MET: variants seen among roughly 807,000 people sequenced by gnomAD.
MET encodes the protein hepatocyte growth factor receptor.
Under a neutral mutation model 133.1 loss-of-function variants are expected in MET, and 48 were observed. That is an observed-to-expected ratio of 0.36 (90% CI 0.29 to 0.46). The LOEUF is 0.46. Among genes scored for constraint, MET ranks in the 20% least tolerant of loss-of-function variants. The pLI is 1.00. For missense variants in MET, 1,442 were observed against 1,695.9 expected (o/e 0.85, Z 2.63); for synonymous variants, 628 against 616.5 (o/e 1.02, Z -0.28).
At position 116,771,509 on chromosome 7, in the gene MET, A is replaced by C; in HGVS notation, c.2742A>C (p.Ala914=). 1 of 1,613,760 alleles carries C rather than the reference A, an allele frequency of 6.2e-7. No homozygotes were observed. The highest frequency in any genetic ancestry group is 8.5e-7 in the Non-Finnish European group (1 of 1,179,686). Residue 914 remains alanine, a synonymous_variant, in exon 13 of 21, where the codon GCA becomes GCC. Transcript: ENST00000397752. Reference sequence around the variant, plus strand: ...TTTGTCATTTTTAGTGGAAGCAAGCAATTTCTTCAACCGTCCTTGGAAAAG... The same window carrying C: ...TTTGTCATTTTTAGTGGAAGCAAGCCATTTCTTCAACCGTCCTTGGAAAAG... ...NSELNIEWKQ[A]ISSTVLGKVI...
chr7:116,672,479 G>A lies in MET; in HGVS notation c.-113G>A, dbSNP rs1426452513. 2.0e-5 allele frequency: 8 copies of A among 398,222 alleles called. 1 individual carries two copies. Among genetic ancestry groups the A allele is most frequent in the Non-Finnish European group, 2.7e-5 (6 of 225,826 alleles). 24.7% of individuals were successfully genotyped at this position (398,222 alleles called of 1,614,324 possible). On this transcript the variant is annotated 5_prime_UTR_variant, in exon 1 of 21. Coordinates refer to ENST00000397752, the MANE Select transcript of MET (RefSeq NM_000245.4). ...CGAGTGGAGGGCGCGAGCCAGATGC[G>A]GGGCGACAGCTGACTTGCTGAGAGG...
chr7:116,699,051 C>A lies in MET; in HGVS notation c.-14-20C>A, dbSNP rs1562882697. Reference sequence around the variant, plus strand: ...ATTTCTGACAACTGAACTGCTCTCGCCTTGAACCTGTTTTGGCAGATAAAC... The same window carrying A: ...ATTTCTGACAACTGAACTGCTCTCGACTTGAACCTGTTTTGGCAGATAAAC... On this transcript the variant is annotated intron_variant, in intron 1 of 20. Coordinates refer to ENST00000397752, the MANE Select transcript of MET (RefSeq NM_000245.4). The A allele has an allele frequency of 6.2e-7, 1 of 1,613,486 alleles. No individual in the cohort carries two copies. The highest frequency in any genetic ancestry group is 8.5e-7 in the Non-Finnish European group (1 of 1,179,786).
At chr7:116,695,662 C>T (rs888466820) in intron 1 of MET, 5 of 371,070 alleles carry the variant, frequency 1.3e-5, no homozygotes, top group Admixed American at 6.0e-5. Context: ...GTTAGCCAGA[C>T]GTGGAATTGA....
chr7:116,747,405 A>G (rs1002881270), intron 5 of MET, among the ~76,000 whole-genome samples: 5 of 152,234 alleles, frequency 3.3e-5, no homozygotes, highest in Non-Finnish European at 7.3e-5. Flanking sequence ...AGACACACAT[A>G]GGCTCAAAAT....
At chr7:116,726,524 C>T (rs1185993226) in intron 2 of MET, among the ~76,000 whole-genome samples, 2 of 151,904 alleles carry the variant, frequency 1.3e-5, no homozygotes, top group African/African-American at 4.8e-5. Context: ...CAAATGAACT[C>T]GTAAAGAGAG....
chr7:116,777,517 A>G (rs1795033012), intron 16 of MET, 48 bp downstream of exon 16: 2 of 1,532,328 alleles, frequency 1.3e-6, no homozygotes, highest in South Asian at 1.1e-5. Context: ...GTGGTTTGCA[A>G]CCTAATAAAT....
intron 5 of MET, among the ~76,000 whole-genome samples, chr7:116,754,983 G>GGAAAGAAAGAAAGAAAGAAAGAAAA (rs1794105121): frequency 1.3e-5 from 1 of 78,632 alleles, no homozygotes; most frequent in South Asian, 5.5e-4. Flanking sequence ...AGCAGAGAAA[G>GGAAAGAAAGAAAGAAAGAAAGAAAA]GAAAGAAAGA....
intron 1 of MET, among the ~76,000 whole-genome samples, chr7:116,683,173 C>T (rs1449817462): frequency 6.6e-6 from 1 of 152,152 alleles, no homozygotes; most frequent in Admixed American, 6.5e-5. Context: ...AGGTATTAAG[C>T]CTAGTACCCA....
Position 116,796,148 on chromosome 7 carries a change from A to G in MET, c.*24A>G. The G allele has an allele frequency of 1.2e-6, 2 of 1,601,202 alleles. No individual in the cohort carries two copies. Among genetic ancestry groups the G allele is most frequent in the Non-Finnish European group, 1.7e-6 (2 of 1,169,008 alleles). On this transcript the variant is annotated 3_prime_UTR_variant, in exon 21 of 21. Transcript: ENST00000397752. Reference sequence around the variant, plus strand: ...AGTGCTAGTACTATGTCAAAGCAACAGTCCACACTTTGTCCAATGGTTTTT... The same window carrying G: ...AGTGCTAGTACTATGTCAAAGCAACGGTCCACACTTTGTCCAATGGTTTTT...
intron 19 of MET, among the ~76,000 whole-genome samples, chr7:116,795,221 T>G (rs1795630518): frequency 6.6e-6 from 1 of 152,236 alleles, no homozygotes. Context: ...GTTACATTTC[T>G]TAAAGAGTAT....
intron 2 of MET, among the ~76,000 whole-genome samples, chr7:116,710,419 T>C (rs994563692): frequency 2.6e-5 from 4 of 152,212 alleles, no homozygotes; most frequent in African/African-American, 9.6e-5. Context: ...TATGGTAAAT[T>C]GTGACTAATT....
At chr7:116,795,105 A>G (rs1348001734) in intron 19 of MET, among the ~76,000 whole-genome samples, 23 of 152,222 alleles carry the variant, frequency 1.5e-4, no homozygotes, top group Admixed American at 1.5e-3. Flanking sequence ...TTAATTTTCA[A>G]TAGAGAAACT....
intron 2 of MET, among the ~76,000 whole-genome samples, chr7:116,716,469 GA>G (rs1331516834): frequency 1.1e-4 from 2 of 18,196 alleles, no homozygotes; most frequent in Admixed American, 4.6e-4. Context: ...GAAAGAAAGA[GA>G]AAGAAAGAAA....
At chr7:116,794,466 C>A (rs1358300299) in intron 19 of MET, among the ~76,000 whole-genome samples, 1 of 152,178 alleles carries the variant, frequency 6.6e-6, no homozygotes, top group Non-Finnish European at 1.5e-5. Context: ...CAGTCAGCAG[C>A]CATCAAGGGT....
chr7:116,700,103 A>G lies in MET; in HGVS notation c.1019A>G (p.Asp340Gly), dbSNP rs200690492. 2.9e-5 allele frequency: 47 copies of G among 1,610,322 alleles called. No individual in the cohort carries two copies. The highest frequency in any genetic ancestry group is 3.6e-5 in the Non-Finnish European group (42 of 1,178,630). ...ARQIGASLND[D>G]ILFGVFAQSK... ...CAAATAGGAGCCAGCCTGAATGATGACATTCTTTTCGGGGTGTTCGCACAA... is the reference window on the plus strand; with the variant it reads ...CAAATAGGAGCCAGCCTGAATGATGGCATTCTTTTCGGGGTGTTCGCACAA... Residue 340 changes from aspartate (D) to glycine (G), a missense_variant, in exon 2 of 21, where the codon GAC becomes GGC. Physicochemically the swap from Asp to Gly is moderately conservative, Grantham distance 94. This residue lies in a region of MET where 762 missense variants were observed against 792.4 expected (regional missense o/e 0.96). Transcript: ENST00000397752.
chr7:116,747,756 C>T (rs184348578), intron 5 of MET, among the ~76,000 whole-genome samples: 15 of 146,894 alleles, frequency 1.0e-4, no homozygotes, highest in Non-Finnish European at 1.8e-4. Context: ...GACTTGAACT[C>T]GGCTCTGGAC....
chr7:116,783,570 A>T (rs912126773), intron 19 of MET, 101 bp downstream of exon 19: 17 of 1,199,636 alleles, frequency 1.4e-5, no homozygotes, highest in Non-Finnish European at 1.9e-5. Context: ...ATTCAACACC[A>T]CCAATTCCAG....
intron 2 of MET, among the ~76,000 whole-genome samples, chr7:116,721,334 C>T (rs1395642953): frequency 1.3e-5 from 2 of 152,004 alleles, no homozygotes; most frequent in African/African-American, 4.8e-5. Context: ...GTGGTGATAT[C>T]CCCTTTATCA....
intron 19 of MET, among the ~76,000 whole-genome samples, chr7:116,789,515 A>G (rs930436947): frequency 3.5e-4 from 53 of 152,232 alleles, no homozygotes; most frequent in African/African-American, 1.3e-3. Flanking sequence ...GACATAGAAC[A>G]GTTCTATCAT....
Sources: allele counts gnomAD v4.1 joint callset (sites outside exome capture counted in the v4.1 genomes callset), GRCh38; gene constraint gnomAD v4.1.1; regional missense constraint gnomAD v4.1.1; transcripts MANE v1.5; gene names NCBI Gene and HGNC (gene_info 2026-07-23, HGNC 2026-07-21).